RC3H1: variants seen among roughly 807,000 people sequenced by gnomAD.
RC3H1 encodes the protein roquin-1.
RC3H1 carries 50 observed loss-of-function variants against 138.2 expected under a neutral mutation model. The observed-to-expected ratio is 0.36, with a 90% CI of 0.29 to 0.46. RC3H1 has a LOEUF of 0.46. Ranked by LOEUF, RC3H1 falls within the 20% of genes least tolerant of loss-of-function variation. RC3H1 has a pLI of 1.00. For missense variants in RC3H1, 1,031 were observed against 1,388.1 expected (o/e 0.74, Z 4.09); for synonymous variants, 462 against 489.1 (o/e 0.94, Z 0.73).
chr1:173,957,875 C>T (rs1659714349), intron 13 of RC3H1, among the ~76,000 whole-genome samples: 1 of 152,084 alleles, frequency 6.6e-6, no homozygotes, highest in Non-Finnish European at 1.5e-5. Flanking sequence ...TTTTACTTTA[C>T]AAATAAAACT....
At chr1:174,011,757 T>C (rs947064731) in intron 1 of RC3H1, among the ~76,000 whole-genome samples, 4 of 152,162 alleles carry the variant, frequency 2.6e-5, no homozygotes, top group African/African-American at 7.2e-5. Flanking sequence ...CAAGTTCATA[T>C]AGTAACCAAT....
At chr1:173,993,757 C>T (rs566729191) in intron 1 of RC3H1, among the ~76,000 whole-genome samples, 5 of 151,142 alleles carry the variant, frequency 3.3e-5, no homozygotes, top group South Asian at 2.1e-4. Flanking sequence ...TGGTGGCTCA[C>T]GCCTGTAATC....
rs1327976226 is a variant in RC3H1 at position 173,961,900 on chromosome 1, T to C, written c.2027A>G (p.Tyr676Cys). The change falls in exon 12 of 20, where the codon TAC (tyrosine) becomes TGC (cysteine). Residue 676 changes from tyrosine to cysteine, a missense_variant. Coordinates refer to ENST00000367696, the MANE Select transcript of RC3H1 (RefSeq NM_172071.4). ...TTCTCTTGTGTAAGACGGAGCAGGG[T>C]ACACTCGACGGCCATCATAGTGAGA... ...YPSHYDGRRV[Y>C]PAPSYTREEI... 2.5e-6 allele frequency: 4 copies of C among 1,614,092 alleles called. No individual in the cohort carries two copies. The South Asian group carries it at 3.3e-5, about 13-fold the overall frequency.
At chr1:173,971,213 C>T (rs1327413361) in intron 8 of RC3H1, among the ~76,000 whole-genome samples, 2 of 152,114 alleles carry the variant, frequency 1.3e-5, no homozygotes, top group Non-Finnish European at 2.9e-5. Context: ...CCGCCTGCCT[C>T]AGCCTCCCAA....
rs1389060872 is a variant in RC3H1, at chr1:173,932,036, G to A, written c.*6685C>T. 2 of 152,000 alleles carry A rather than the reference G, an allele frequency of 1.3e-5. No individual in the cohort carries two copies. The highest frequency in any genetic ancestry group is 2.9e-5 in the Non-Finnish European group (2 of 67,970). The allele number at this position is 152,000 out of a possible 1,614,324, so 9.4% of individuals were successfully genotyped here. A position where few individuals can be genotyped will look rare whatever the true frequency, so the allele number is the denominator to read the frequency against. ...CTACCACTGATTTATAAGAGCAGGAGTATAAATTCTATCCAAAAGTGTAAG... is the reference window on the plus strand; with the variant it reads ...CTACCACTGATTTATAAGAGCAGGAATATAAATTCTATCCAAAAGTGTAAG... On this transcript the variant is annotated 3_prime_UTR_variant, in exon 20 of 20. Coordinates refer to ENST00000367696, the MANE Select transcript of RC3H1 (RefSeq NM_172071.4).
At chr1:174,021,948 G>A (rs1661971193) in intron 1 of RC3H1, 148 bp downstream of exon 1, 1 of 377,316 alleles carries the variant, frequency 2.7e-6, no homozygotes. Context: ...GCCCTGAGGA[G>A]CCTGGGGCCG....
rs778669714 is a variant in RC3H1, at chr1:173,933,142, T to C, written c.*5579A>G. ...TTTTGGACACGATATTATGTTGAGG[T>C]TTAAGTTCTTCCCCCTTATTGTGCC... On this transcript the variant is annotated 3_prime_UTR_variant, in exon 20 of 20. Transcript: ENST00000367696. 4.6e-5 allele frequency: 7 copies of C among 152,084 alleles called. No homozygotes were observed. Among genetic ancestry groups the C allele is most frequent in the Non-Finnish European group, 8.8e-5 (6 of 67,976 alleles). 9.4% of individuals were successfully genotyped at this position (152,084 alleles called of 1,614,324 possible). A position where few individuals can be genotyped will look rare whatever the true frequency, so the allele number is the denominator to read the frequency against.
Position 173,938,632 on chromosome 1 carries a change from G to T in RC3H1, c.*89C>A. 1 of 998,794 alleles carries T rather than the reference G, an allele frequency of 1.0e-6. No individual in the cohort carries two copies. 61.9% of individuals were successfully genotyped at this position (998,794 alleles called of 1,614,324 possible). On this transcript the variant is annotated 3_prime_UTR_variant, in exon 20 of 20. Coordinates refer to ENST00000367696, the MANE Select transcript of RC3H1 (RefSeq NM_172071.4). ...CCTGGATTTCTCTGACCGCTCTTAA[G>T]AGAAAAAGTTTAGAAGTTATGCGTT...
intron 2 of RC3H1, among the ~76,000 whole-genome samples, chr1:173,989,104 C>G (rs986183401): frequency 1.3e-5 from 2 of 152,264 alleles, no homozygotes; most frequent in African/African-American, 4.8e-5. Context: ...TCGAGGCTCA[C>G]TGCAGCCTCC....
At chr1:173,981,036 T>G in intron 5 of RC3H1, 27 bp from the exon 6 acceptor site, 1 of 1,591,596 alleles carries the variant, frequency 6.3e-7, no homozygotes, top group African/African-American at 1.4e-5. Flanking sequence ...AATCTCATAA[T>G]GAAGTCAAAA....
At chr1:173,998,400 C>T (rs1051532692) in intron 1 of RC3H1, among the ~76,000 whole-genome samples, 5 of 152,242 alleles carry the variant, frequency 3.3e-5, no homozygotes, top group African/African-American at 1.2e-4. Flanking sequence ...ACCTCTCCTA[C>T]AAAAATGACG....
intron 13 of RC3H1, 45 bp from the exon 14 acceptor site, chr1:173,952,183 A>C (rs779392312): frequency 2.3e-5 from 33 of 1,445,694 alleles, no homozygotes; most frequent in Non-Finnish European, 3.0e-5. Flanking sequence ...AAAAAGAGAA[A>C]GAAACAAAAC....
chr1:174,008,386 A>C (rs1661688560), intron 1 of RC3H1, among the ~76,000 whole-genome samples: 1 of 152,158 alleles, frequency 6.6e-6, no homozygotes, highest in Admixed American at 6.5e-5. Flanking sequence ...TACTTGAAAA[A>C]CAGTGCTTAG....
chr1:173,955,765 T>C (rs1273851285), intron 13 of RC3H1, among the ~76,000 whole-genome samples: 3 of 152,130 alleles, frequency 2.0e-5, no homozygotes, highest in African/African-American at 7.2e-5. Flanking sequence ...ACAGGAAGAA[T>C]GTTATTCCTA....
At chr1:173,950,749 C>T (rs944417724) in intron 14 of RC3H1, among the ~76,000 whole-genome samples, 1 of 151,510 alleles carries the variant, frequency 6.6e-6, no homozygotes, top group African/African-American at 2.4e-5. Context: ...AATTAAGATA[C>T]TATCCAGGTA....
intron 1 of RC3H1, among the ~76,000 whole-genome samples, chr1:174,013,444 A>T (rs1661805813): frequency 6.6e-6 from 1 of 151,084 alleles, no homozygotes; most frequent in Non-Finnish European, 1.5e-5. Context: ...TATTATTATT[A>T]TATATATATA....
At chr1:174,012,023 C>T (rs1177971517) in intron 1 of RC3H1, among the ~76,000 whole-genome samples, 1 of 152,028 alleles carries the variant, frequency 6.6e-6, no homozygotes, top group Non-Finnish European at 1.5e-5. Flanking sequence ...CCAGCCTGGG[C>T]AACACGGCAA....
At chr1:173,993,774 A>G (rs549214626) in intron 1 of RC3H1, among the ~76,000 whole-genome samples, 2 of 150,958 alleles carry the variant, frequency 1.3e-5, no homozygotes, top group Non-Finnish European at 3.0e-5. Flanking sequence ...AATCCCAGCA[A>G]TTTGGGAGGC....
chr1:173,952,182 A>T, intron 13 of RC3H1, 44 bp from the exon 14 acceptor site: 1 of 1,440,276 alleles, frequency 6.9e-7, no homozygotes, highest in East Asian at 2.4e-5. Flanking sequence ...AAAAAAGAGA[A>T]AGAAACAAAA....
Sources: allele counts gnomAD v4.1 joint callset (sites outside exome capture counted in the v4.1 genomes callset), GRCh38; gene constraint gnomAD v4.1.1; transcripts MANE v1.5; gene names NCBI Gene and HGNC (gene_info 2026-07-23, HGNC 2026-07-21).